Variants in SYNE1 observed in about 807,000 individuals in gnomAD.
SYNE1 encodes the protein nesprin-1.
A neutral mutation model predicts 1,111.0 loss-of-function variants in SYNE1; 616 were observed. The observed-to-expected ratio is 0.55, with a 90% confidence interval of 0.52 to 0.59. The LOEUF (loss-of-function observed/expected upper bound fraction) is 0.59, where lower values mean the gene tolerates loss of function less well. Among genes scored for constraint, SYNE1 ranks in the 20% least tolerant of loss-of-function variants. The probability of loss-of-function intolerance (pLI) is 0.00; values close to 1 mark genes in which losing one functional copy is unlikely to be tolerated. For synonymous variants in SYNE1, 3,855 were observed against 3,825.8 expected (o/e 1.01, Z -0.28); for missense variants, 10,006 against 10,417.0 (o/e 0.96, Z 1.72).
chr6:152,131,713 A>G (rs892426917), intron 144 of SYNE1, among the ~76,000 whole-genome samples: 3 of 152,100 alleles, frequency 2.0e-5, no homozygotes, highest in South Asian at 2.1e-4. Context: ...TAACGAGTCA[A>G]TGGCTCACAG....
At chr6:152,534,708 A>C (rs554408068) in intron 4 of SYNE1, among the ~76,000 whole-genome samples, 4 of 152,314 alleles carry the variant, frequency 2.6e-5, no homozygotes, top group Admixed American at 2.6e-4. Context: ...GTCTCACCAA[A>C]ATGTGTACAA....
In SYNE1 at chr6:152,385,831, A is replaced by AT. The variant is rs1005304459; in HGVS notation, c.8494dup (p.Met2832AsnfsTer53). 5 of 1,613,856 alleles carry AT rather than the reference A, an allele frequency of 3.1e-6. No homozygotes were observed. The highest frequency in any genetic ancestry group is 4.2e-6 in the Non-Finnish European group (5 of 1,179,916). ...TTTCACAATCTCTTCCACTTTCCTCATTTTTTCCTAGTAAACAAAGAAAAG... is the reference window on the plus strand; with the variant it reads ...TTTCACAATCTCTTCCACTTTCCTCATTTTTTTCCTAGTAAACAAAGAAAAG... On this transcript the variant is annotated frameshift_variant, in exon 55 of 146. Transcript: ENST00000367255. LOFTEE classifies it high-confidence loss of function.
At chr6:152,527,110 C>T (rs185728896) in intron 4 of SYNE1, among the ~76,000 whole-genome samples, 1 of 152,254 alleles carries the variant, frequency 6.6e-6, no homozygotes, top group African/African-American at 2.4e-5. Flanking sequence ...CTTACTGAAT[C>T]TTGTTAAAGG....
chr6:152,149,391 C>A, intron 136 of SYNE1, 86 bp downstream of exon 136: 1 of 1,521,356 alleles, frequency 6.6e-7, no homozygotes, highest in Non-Finnish European at 9.1e-7. Flanking sequence ...AGAGTCTGAG[C>A]TCTCACCCAC....
chr6:152,136,578 GTC>G (rs754613946), intron 141 of SYNE1, 38 bp downstream of exon 141: 1 of 1,608,540 alleles, frequency 6.2e-7, no homozygotes, highest in East Asian at 2.2e-5. Context: ...AATTGCTAAT[GTC>G]TCTCTCTGAG....
intron 104 of SYNE1, among the ~76,000 whole-genome samples, chr6:152,251,900 C>T (rs2089416545): frequency 6.6e-6 from 1 of 150,766 alleles, no homozygotes; most frequent in Non-Finnish European, 1.5e-5. Context: ...TTAATAGTCA[C>T]TGGAATTATT....
intron 87 of SYNE1, chr6:152,311,185 C>T: frequency 2.7e-6 from 1 of 370,960 alleles, no homozygotes; most frequent in Non-Finnish European, 5.0e-6. Context: ...GGAATTCTAG[C>T]AGTGAAAAAC....
chr6:152,131,610 T>C (rs1198033906), intron 144 of SYNE1, among the ~76,000 whole-genome samples: 2 of 152,184 alleles, frequency 1.3e-5, no homozygotes, highest in African/African-American at 4.8e-5. Flanking sequence ...GGTGAGTTGT[T>C]GCCATTTTAG....
At chr6:152,143,512 G>A in intron 138 of SYNE1, 111 bp downstream of exon 138, 1 of 1,489,402 alleles carries the variant, frequency 6.7e-7, no homozygotes, top group Non-Finnish European at 9.3e-7. Context: ...GAGTTCAAGG[G>A]CAGCATGGTA....
At chr6:152,544,434 T>G (rs1406707135) in intron 3 of SYNE1, among the ~76,000 whole-genome samples, 1 of 152,152 alleles carries the variant, frequency 6.6e-6, no homozygotes, top group East Asian at 1.9e-4. Context: ...TTGCTTGTAT[T>G]TCAAAAGCAG....
intron 135 of SYNE1, among the ~76,000 whole-genome samples, chr6:152,150,931 G>A (rs1465586810): frequency 6.6e-6 from 1 of 152,076 alleles, no homozygotes; most frequent in Non-Finnish European, 1.5e-5. Context: ...CAACAACAAG[G>A]CCAGGAAGGG....
At chr6:152,149,339 T>C in intron 136 of SYNE1, 138 bp downstream of exon 136, 2 of 1,002,920 alleles carry the variant, frequency 2.0e-6, no homozygotes. Flanking sequence ...ACAGCGACAA[T>C]GTAGGACAAA....
At chr6:152,329,622 C>A (rs747822887) in intron 78 of SYNE1, 108 bp downstream of exon 78, 75 of 1,420,218 alleles carry the variant, frequency 5.3e-5, no homozygotes, top group Non-Finnish European at 7.1e-5. Flanking sequence ...TGTAGTATTT[C>A]GAAAGAAATA....
At chr6:152,223,444 AC>A (rs2080691690) in intron 117 of SYNE1, among the ~76,000 whole-genome samples, 1 of 151,916 alleles carries the variant, frequency 6.6e-6, no homozygotes, top group African/African-American at 2.4e-5. Flanking sequence ...AGATGGTGAA[AC>A]TCCATCTCTA....
At chr6:152,324,609 G>A (rs1387893533) in intron 81 of SYNE1, among the ~76,000 whole-genome samples, 4 of 151,810 alleles carry the variant, frequency 2.6e-5, no homozygotes, top group Non-Finnish European at 4.4e-5. Context: ...CCTGGCTAAC[G>A]AGGTGAAACC....
At chr6:152,152,270 C>T (rs10457084) in intron 133 of SYNE1, 129 bp from the exon 134 acceptor site, 38 of 833,862 alleles carry the variant, frequency 4.6e-5, no homozygotes, top group Middle Eastern at 3.3e-4. Context: ...AGAATGATGT[C>T]TAATAACGGT....
At chr6:152,467,898 T>A (rs2154274690) in intron 16 of SYNE1, among the ~76,000 whole-genome samples, 1 of 152,274 alleles carries the variant, frequency 6.6e-6, no homozygotes, top group South Asian at 2.1e-4. Flanking sequence ...ATCTATTGAA[T>A]CACTTTGGCA....
chr6:152,498,707 AAG>A (rs2099012643), intron 11 of SYNE1, 33 bp downstream of exon 11: 15 of 1,449,536 alleles, frequency 1.0e-5, no homozygotes, highest in Non-Finnish European at 1.3e-5. Flanking sequence ...GGATGTTTGA[AAG>A]AGGTCATCAA....
At chr6:152,260,373 AAAATACAGGGAGGAGGTCCACGC>A (rs1288267917) in intron 101 of SYNE1, among the ~76,000 whole-genome samples, 3 of 152,152 alleles carry the variant, frequency 2.0e-5, no homozygotes, top group Non-Finnish European at 4.4e-5. Flanking sequence ...AGGATGAATT[AAAATACAGGGAGGAGGTCCACGC>A]AAAAAGTATA....
Sources: gnomAD v4.1 joint callset for allele counts (sites outside exome capture counted in the v4.1 genomes callset) on GRCh38, gnomAD v4.1.1 for gene constraint, MANE v1.5 for transcripts, NCBI Gene and HGNC (gene_info 2026-07-23, HGNC 2026-07-21) for gene names.